Variants in CPA6 observed in about 807,000 individuals in gnomAD.
CPA6 encodes the protein carboxypeptidase B.
Under a neutral mutation model 63.3 loss-of-function variants are expected in CPA6, and 58 were observed. The ratio of observed to expected loss-of-function variants is 0.92; its 90% CI spans 0.74 to 1.14. CPA6 has a LOEUF of 1.14. Among genes scored for constraint, CPA6 ranks in the 50% most tolerant of loss-of-function variants. The pLI is 0.00. For synonymous variants in CPA6, 185 were observed against 179.0 expected (o/e 1.03, Z -0.27); for missense variants, 565 against 526.6 (o/e 1.07, Z -0.71).
At chr8:67,489,686 T>C (rs1345814954) in intron 6 of CPA6, among the ~76,000 whole-genome samples, 3 of 152,186 alleles carry the variant, frequency 2.0e-5, no homozygotes, top group Admixed American at 2.0e-4. Context: ...AAAGATACTA[T>C]ATGTGTTCAT....
chr8:67,593,739 T>C (rs1297776199), intron 2 of CPA6, among the ~76,000 whole-genome samples: 63 of 150,358 alleles, frequency 4.2e-4, no homozygotes, highest in African/African-American at 1.4e-3. Flanking sequence ...ATTTGCTTGG[T>C]AGATCTTCCT....
intron 8 of CPA6, among the ~76,000 whole-genome samples, chr8:67,461,536 C>G (rs1810806618): frequency 6.6e-6 from 1 of 152,378 alleles, no homozygotes; most frequent in South Asian, 2.1e-4. Flanking sequence ...TTCCACAAAA[C>G]CGCCATTGTC....
intron 2 of CPA6, among the ~76,000 whole-genome samples, chr8:67,557,410 TC>T (rs1813088687): frequency 6.6e-6 from 1 of 152,192 alleles, no homozygotes; most frequent in Non-Finnish European, 1.5e-5. Context: ...TCATGCAGCT[TC>T]CATTTCACTC....
intron 1 of CPA6, among the ~76,000 whole-genome samples, chr8:67,641,005 G>T (rs1247494029): frequency 2.0e-5 from 3 of 151,732 alleles, no homozygotes; most frequent in African/African-American, 7.3e-5. Context: ...AAGGGTGCGG[G>T]TCATGCAGTT....
intron 2 of CPA6, among the ~76,000 whole-genome samples, chr8:67,557,770 T>C (rs1813099054): frequency 6.6e-6 from 1 of 152,182 alleles, no homozygotes; most frequent in African/African-American, 2.4e-5. Flanking sequence ...AGTTCAGCAT[T>C]AAGTAAGGAA....
intron 1 of CPA6, among the ~76,000 whole-genome samples, chr8:67,630,583 T>C (rs1247333719): frequency 6.6e-6 from 1 of 152,250 alleles, no homozygotes; most frequent in Non-Finnish European, 1.5e-5. Flanking sequence ...CAGCCCTCGC[T>C]CCCTCTCAGT....
At chr8:67,709,172 G>A (rs777951092) in intron 1 of CPA6, among the ~76,000 whole-genome samples, 4 of 152,098 alleles carry the variant, frequency 2.6e-5, no homozygotes, top group Non-Finnish European at 5.9e-5. Context: ...CTGCGTATGC[G>A]GCCCCTGTCA....
At chr8:67,739,071 T>C (rs1293440047) in intron 1 of CPA6, among the ~76,000 whole-genome samples, 1 of 152,230 alleles carries the variant, frequency 6.6e-6, no homozygotes, top group Non-Finnish European at 1.5e-5. Flanking sequence ...ACCTTGGTGC[T>C]ATAAAATAAA....
At chr8:67,529,669 C>G (rs1224949493) in intron 2 of CPA6, among the ~76,000 whole-genome samples, 1 of 152,178 alleles carries the variant, frequency 6.6e-6, no homozygotes, top group Non-Finnish European at 1.5e-5. Context: ...AACGAACACA[C>G]TGATTGGCTA....
At chr8:67,442,680 G>A (rs1431297701) in intron 8 of CPA6, among the ~76,000 whole-genome samples, 4 of 152,170 alleles carry the variant, frequency 2.6e-5, no homozygotes, top group African/African-American at 9.7e-5. Flanking sequence ...ACGCAAAGGA[G>A]CTTGTAGTGT....
chr8:67,473,417 A>G (rs1811106746), intron 8 of CPA6, among the ~76,000 whole-genome samples: 1 of 152,224 alleles, frequency 6.6e-6, no homozygotes, highest in African/African-American at 2.4e-5. Flanking sequence ...AAAAGGTAAG[A>G]TAGTAGCAGT....
chr8:67,652,563 A>G (rs1587672121), intron 1 of CPA6, among the ~76,000 whole-genome samples: 1 of 151,412 alleles, frequency 6.6e-6, no homozygotes, highest in Non-Finnish European at 1.5e-5. Flanking sequence ...GTCTGTTCAT[A>G]TCCTTTGCCC....
At chr8:67,527,717 A>G (rs1469653912) in intron 2 of CPA6, among the ~76,000 whole-genome samples, 1 of 152,236 alleles carries the variant, frequency 6.6e-6, no homozygotes, top group East Asian at 1.9e-4. Context: ...TCATTCAGTG[A>G]TCAGTTATAT....
At chr8:67,434,496 A>C (rs1373844509) in intron 8 of CPA6, among the ~76,000 whole-genome samples, 1 of 152,206 alleles carries the variant, frequency 6.6e-6, no homozygotes, top group African/African-American at 2.4e-5. Flanking sequence ...CACTCTAAAG[A>C]AATTGCTCTA....
chr8:67,433,886 T>A (rs948934909), intron 9 of CPA6, 152 bp downstream of exon 9: 1 of 606,424 alleles, frequency 1.6e-6, no homozygotes, highest in Admixed American at 2.9e-5. Context: ...CTCATATGAT[T>A]GTTAATGAAG....
chr8:67,668,916 G>C (rs1816287178), intron 1 of CPA6, among the ~76,000 whole-genome samples: 1 of 152,166 alleles, frequency 6.6e-6, no homozygotes, highest in Non-Finnish European at 1.5e-5. Flanking sequence ...GGCAGAGTTT[G>C]AGCTAAGGCT....
intron 8 of CPA6, among the ~76,000 whole-genome samples, chr8:67,475,802 T>C (rs1488343970): frequency 1.7e-5 from 1 of 57,766 alleles, no homozygotes; most frequent in East Asian, 4.2e-4. Flanking sequence ...TCTTTCTTTC[T>C]TTCTTTCTTT....
At chr8:67,526,459 G>T (rs753874766) in intron 2 of CPA6, among the ~76,000 whole-genome samples, 12 of 152,110 alleles carry the variant, frequency 7.9e-5, no homozygotes, top group Non-Finnish European at 1.2e-4. Flanking sequence ...TCTAATCTTG[G>T]TGTTCTGTGA....
At position 67,432,457 on chromosome 8, in the gene CPA6, GTGAT is replaced by G. The variant is rs565032876; in HGVS notation, c.1041+1577_1041+1580del. Among the ~76,000 whole-genome samples the G allele has an allele frequency of 5.4e-3, 826 of 152,086 alleles. 6 individuals are homozygous for G. Among genetic ancestry groups the G allele is most frequent in the Non-Finnish European group, 0.01 (703 of 67,980 alleles). ...TTCCATTTGGCGATTCCTGAGTTGT[GTGAT>G]TGATTGATTGATTGTTAAGACAGGG... On this transcript the variant is annotated intron_variant, in intron 9 of 10. Coordinates refer to ENST00000297770, the MANE Select transcript of CPA6 (RefSeq NM_020361.5).
Sources: allele counts gnomAD v4.1 joint callset (sites outside exome capture counted in the v4.1 genomes callset), GRCh38; gene constraint gnomAD v4.1.1; transcripts MANE v1.5; gene names NCBI Gene and HGNC (gene_info 2026-07-23, HGNC 2026-07-21).